CAPN3: variants seen among roughly 807,000 people sequenced by gnomAD.
CAPN3 encodes calpain-3.
In CAPN3, 88 loss-of-function variants were observed where a neutral mutation model predicts 114.0. The observed-to-expected ratio is 0.77, with a 90% CI of 0.65 to 0.92. The LOEUF is 0.92. CAPN3 is among the 40% of genes least tolerant of loss of function. The probability of loss-of-function intolerance (pLI) is 0.00; values close to 1 mark genes in which losing one functional copy is unlikely to be tolerated. For synonymous variants in CAPN3, 386 were observed against 382.9 expected, an observed-to-expected ratio of 1.01 and a Z score of -0.09; for missense variants, 1,028 against 1,069.0, an observed-to-expected ratio of 0.96 and a Z score of 0.53.
intron 1 of CAPN3, among the ~76,000 whole-genome samples, chr15:42,369,801 T>C (rs1478311556): frequency 1.3e-5 from 2 of 151,942 alleles, no homozygotes; most frequent in African/African-American, 2.4e-5. Flanking sequence ...GGGCATAAGA[T>C]TGAGAGGACA....
At chr15:42,372,016 T>C (rs931328041) in intron 1 of CAPN3, among the ~76,000 whole-genome samples, 1 of 151,960 alleles carries the variant, frequency 6.6e-6, no homozygotes, top group Non-Finnish European at 1.5e-5. Context: ...CTGTTGGGAC[T>C]TTTATTGCAG....
At position 42,394,136 on chromosome 15, in the gene CAPN3, C is replaced by A. The variant is rs578208978; in HGVS notation, c.1030-120C>A. On this transcript the variant is annotated intron_variant, in intron 7 of 23. Coordinates refer to ENST00000397163, the MANE Select transcript of CAPN3 (RefSeq NM_000070.3). ...TGTGATTAATCTCCTTGGCCAGAGCCAGGCAGAACACCCTCGCGTAAGAGA... is the reference window on the plus strand; with the variant it reads ...TGTGATTAATCTCCTTGGCCAGAGCAAGGCAGAACACCCTCGCGTAAGAGA... 13 of 919,478 alleles carry A rather than the reference C, an allele frequency of 1.4e-5. No homozygotes were observed. In the African/African-American group the frequency reaches 1.5e-4, roughly 10 times the overall value. The allele number at this position is 919,478 out of a possible 1,614,324, so 57.0% of individuals were successfully genotyped here. A position where few individuals can be genotyped will look rare whatever the true frequency, so the allele number is the denominator to read the frequency against.
intron 15 of CAPN3, among the ~76,000 whole-genome samples, chr15:42,407,175 G>A (rs771587207): frequency 5.9e-5 from 9 of 152,094 alleles, no homozygotes; most frequent in South Asian, 4.1e-4. Flanking sequence ...TCACTTGCAC[G>A]AGCATGTCTT....
intron 1 of CAPN3, among the ~76,000 whole-genome samples, chr15:42,384,139 C>T (rs1297444461): frequency 6.6e-6 from 1 of 151,978 alleles, no homozygotes; most frequent in Non-Finnish European, 1.5e-5. Context: ...TGCGGCCGGG[C>T]GCGGTGGCTC....
intron 1 of CAPN3, among the ~76,000 whole-genome samples, chr15:42,369,866 CTTTCTTTTTTTTT>C (rs2052894079): frequency 7.3e-6 from 1 of 137,930 alleles, no homozygotes; most frequent in Non-Finnish European, 1.5e-5. Flanking sequence ...TTCTTTCTTT[CTTTCTTTTTTTTT>C]TTTTTTTTTG....
chr15:42,398,934 G>A (rs116467109), intron 9 of CAPN3, among the ~76,000 whole-genome samples: 1,591 of 151,704 alleles, frequency 0.01, 33 homozygotes, highest in African/African-American at 0.037. Flanking sequence ...ACAAGTGCCC[G>A]CCATAATGCT....
In CAPN3 at chr15:42,385,791, T is replaced by C. The variant is rs755243116; in HGVS notation, c.380-376T>C. ...AGTCAGAAGAGGAATTGGACTCACATTGCAAAGGCACAGGGCAGGGCAGAT... is the reference window on the plus strand; with the variant it reads ...AGTCAGAAGAGGAATTGGACTCACACTGCAAAGGCACAGGGCAGGGCAGAT... On this transcript the variant is annotated intron_variant, in intron 2 of 23. Transcript: ENST00000397163. The C allele has an allele frequency of 1.7e-5, 9 of 531,366 alleles. 1 individual carries two copies. The highest frequency in any genetic ancestry group is 1.2e-4 in the Admixed American group (6 of 51,830). 32.9% of individuals were successfully genotyped at this position (531,366 alleles called of 1,614,324 possible).
chr15:42,404,666 GGGGCTTT>G, intron 14 of CAPN3: 1 of 1,188,210 alleles, frequency 8.4e-7, no homozygotes, highest in Non-Finnish European at 1.1e-6. Flanking sequence ...TGACTGCCTT[GGGGCTTT>G]GGGCTGTAGT....
rs374021547 is a variant in CAPN3, at chr15:42,410,539, A to T, written c.2184+43A>T. 9 of 1,611,222 alleles carry T rather than the reference A, an allele frequency of 5.6e-6. No individual in the cohort carries two copies. The African/African-American group carries it at 9.4e-5, about 17-fold the overall frequency. ...AGCGTGGGAGTCAAGAATGGGGTTG[A>T]TTTGGAGATTCAGTGTGTGACCTCC... On this transcript the variant is annotated intron_variant, in intron 20 of 23. Coordinates refer to ENST00000397163, the MANE Select transcript of CAPN3 (RefSeq NM_000070.3).
At chr15:42,384,264 TAGCTG>T (rs1487677637) in intron 1 of CAPN3, among the ~76,000 whole-genome samples, 2 of 152,032 alleles carry the variant, frequency 1.3e-5, no homozygotes, top group East Asian at 3.9e-4. Flanking sequence ...ATACAAAAAT[TAGCTG>T]GGCATGGTGG....
chr15:42,406,555 T>G (rs28364514), intron 15 of CAPN3, among the ~76,000 whole-genome samples: 2,107 of 152,044 alleles, frequency 0.014, 12 homozygotes, highest in Non-Finnish European at 0.021. Flanking sequence ...GGTGCTGTTA[T>G]TTTTCCCCTT....
chr15:42,384,987 C>A (rs1016428648), intron 2 of CAPN3, among the ~76,000 whole-genome samples: 1 of 152,238 alleles, frequency 6.6e-6, no homozygotes. Context: ...GTTTAAATTG[C>A]CCCAGCATAG....
intron 1 of CAPN3, among the ~76,000 whole-genome samples, chr15:42,360,498 A>T (rs28364371): frequency 0.097 from 14,733 of 152,232 alleles, 832 homozygotes; most frequent in South Asian, 0.18. Flanking sequence ...TTTAAATATT[A>T]TTCATCTTTG....
chr15:42,369,961 C>G (rs1170037904), intron 1 of CAPN3, among the ~76,000 whole-genome samples: 32 of 150,712 alleles, frequency 2.1e-4, no homozygotes. Context: ...CAACATACAT[C>G]TCCTGGGTTC....
chr15:42,410,721 A>G, intron 21 of CAPN3, 55 bp downstream of exon 21: 1 of 1,477,826 alleles, frequency 6.8e-7, no homozygotes, highest in Admixed American at 1.7e-5. Context: ...GGGAGCAGGA[A>G]TGGGAGGGGA....
chr15:42,399,644 A>G lies in CAPN3; in HGVS notation c.1346A>G (p.Asn449Ser), dbSNP rs2053809430. ...GGTTGCTCTGCCGGAGGCTGCCGCAACTTCCCAGGTGGGAGATGCTCTTGA... is the reference window on the plus strand; with the variant it reads ...GGTTGCTCTGCCGGAGGCTGCCGCAGCTTCCCAGGTGGGAGATGCTCTTGA... ...VRGCSAGGCRNFPDTFWTNPQ... is the reference protein window; with the variant it reads ...VRGCSAGGCRSFPDTFWTNPQ... Residue 449 changes from asparagine to serine, a missense_variant, in exon 10 of 24, where the codon AAC (asparagine) becomes AGC (serine). By Grantham distance (46) the Asn-to-Ser change is conservative. Transcript: ENST00000397163. 1.9e-6 allele frequency: 3 copies of G among 1,601,844 alleles called. No individual in the cohort carries two copies. The highest frequency in any genetic ancestry group is 1.3e-5 in the African/African-American group (1 of 74,848).
Position 42,359,834 on chromosome 15 carries a change from C to G in CAPN3, c.29C>G (p.Ala10Gly). ...CCGACCGTCATTAGCGCATCTGTGG[C>G]TCCAAGGACAGCGGCTGAGCCCCGG... MPTVISASV[A>G]PRTAAEPRSP... The change falls in exon 1 of 24, where the codon GCT (alanine) becomes GGT (glycine). Residue 10 changes from alanine to glycine, a missense_variant. Physicochemically the swap from Ala to Gly is moderately conservative, Grantham distance 60. Transcript: ENST00000397163. 6.2e-7 allele frequency: 1 copy of G among 1,614,020 alleles called. No homozygotes were observed. Among genetic ancestry groups the G allele is most frequent in the Non-Finnish European group, 8.5e-7 (1 of 1,180,036 alleles).
At chr15:42,408,133 C>T (rs1231599080) in intron 15 of CAPN3, 78 bp from the exon 16 acceptor site, 2 of 939,878 alleles carry the variant, frequency 2.1e-6, no homozygotes, top group South Asian at 2.6e-5. Context: ...AAAGCTGCTC[C>T]AAGAGAGGTG....
chr15:42,384,579 T>G (rs377195405), intron 2 of CAPN3, 27 bp downstream of exon 2: 31 of 1,519,408 alleles, frequency 2.0e-5, no homozygotes, highest in Non-Finnish European at 2.7e-5. Flanking sequence ...GGTCAGATCC[T>G]GCCAGATGAT....
Sources: gnomAD v4.1 joint callset for allele counts (sites outside exome capture counted in the v4.1 genomes callset) on GRCh38, gnomAD v4.1.1 for gene constraint, MANE v1.5 for transcripts, NCBI Gene and HGNC (gene_info 2026-07-23, HGNC 2026-07-21) for gene names.